Variants in EXOC6B observed in about 807,000 individuals in gnomAD.
The protein encoded by EXOC6B is exocyst complex component 6B.
In EXOC6B, 54 loss-of-function variants were observed where a neutral mutation model predicts 113.5. That is an observed-to-expected ratio of 0.48 (90% CI 0.38 to 0.60). EXOC6B has a LOEUF of 0.60. Among genes scored for constraint, EXOC6B ranks in the 20% least tolerant of loss-of-function variants. The pLI is 0.00. For missense variants in EXOC6B, 797 were observed against 977.5 expected (o/e 0.82, Z 2.46); for synonymous variants, 357 against 339.0 (o/e 1.05, Z -0.58).
intron 17 of EXOC6B, among the ~76,000 whole-genome samples, chr2:72,469,031 C>T (rs558414495): frequency 2.0e-5 from 3 of 152,108 alleles, no homozygotes; most frequent in Admixed American, 2.0e-4. Context: ...AGGCTACTAC[C>T]CCTATTTAAA....
At chr2:72,751,272 T>C (rs549905533) in intron 1 of EXOC6B, among the ~76,000 whole-genome samples, 36 of 152,276 alleles carry the variant, frequency 2.4e-4, no homozygotes, top group East Asian at 9.6e-4. Flanking sequence ...AGATTTAGAT[T>C]GGTATGATCT....
intron 1 of EXOC6B, among the ~76,000 whole-genome samples, chr2:72,769,948 A>G (rs1683318158): frequency 6.6e-6 from 1 of 152,362 alleles, no homozygotes; most frequent in South Asian, 2.1e-4. Context: ...GAACACCAGA[A>G]GACAAGATAC....
At chr2:72,628,465 G>A (rs1413778620) in intron 6 of EXOC6B, among the ~76,000 whole-genome samples, 1 of 151,976 alleles carries the variant, frequency 6.6e-6, no homozygotes, top group Middle Eastern at 3.2e-3. Context: ...TCAATGTATT[G>A]AGTCTTATAG....
At chr2:72,789,511 T>C (rs1228278226) in intron 1 of EXOC6B, among the ~76,000 whole-genome samples, 4 of 152,224 alleles carry the variant, frequency 2.6e-5, no homozygotes, top group African/African-American at 9.7e-5. Flanking sequence ...CACTTCATTT[T>C]ACCTATGTCT....
chr2:72,217,922 A>G (rs759762069), intron 20 of EXOC6B, among the ~76,000 whole-genome samples: 5 of 152,230 alleles, frequency 3.3e-5, no homozygotes, highest in Non-Finnish European at 7.3e-5. Context: ...CACTATGCTA[A>G]GCATTTTTAT....
chr2:72,802,294 T>C (rs1014862204), intron 1 of EXOC6B, among the ~76,000 whole-genome samples: 12 of 149,334 alleles, frequency 8.0e-5, no homozygotes, highest in Non-Finnish European at 1.3e-4. Flanking sequence ...CACTGCACTC[T>C]AGCCTGGGCA....
At chr2:72,485,644 A>C (rs569190654) in intron 16 of EXOC6B, among the ~76,000 whole-genome samples, 33 of 152,350 alleles carry the variant, frequency 2.2e-4, no homozygotes, top group Non-Finnish European at 3.8e-4. Flanking sequence ...ATAAAGTACA[A>C]AGTTTATATT....
intron 2 of EXOC6B, among the ~76,000 whole-genome samples, chr2:72,736,405 C>T (rs1482826577): frequency 6.6e-6 from 1 of 151,998 alleles, no homozygotes; most frequent in Non-Finnish European, 1.5e-5. Flanking sequence ...TTCTAGAGTT[C>T]AGGAAACTTT....
At chr2:72,650,059 A>G (rs1056897393) in intron 6 of EXOC6B, among the ~76,000 whole-genome samples, 2 of 152,198 alleles carry the variant, frequency 1.3e-5, no homozygotes, top group Non-Finnish European at 2.9e-5. Flanking sequence ...CTGGCCAGTG[A>G]GCATTACCAC....
chr2:72,689,022 G>C (rs1677295623), intron 6 of EXOC6B, among the ~76,000 whole-genome samples: 1 of 152,026 alleles, frequency 6.6e-6, no homozygotes, highest in African/African-American at 2.4e-5. Flanking sequence ...AGAAAATTGA[G>C]GTAAAAATAA....
At chr2:72,519,426 C>T (rs1323661455) in intron 8 of EXOC6B, among the ~76,000 whole-genome samples, 1 of 152,142 alleles carries the variant, frequency 6.6e-6, no homozygotes, top group Non-Finnish European at 1.5e-5. Context: ...TGTGATGTGC[C>T]TTACAGTGAA....
At chr2:72,708,403 G>T (rs1050732243) in intron 6 of EXOC6B, among the ~76,000 whole-genome samples, 1 of 152,190 alleles carries the variant, frequency 6.6e-6, no homozygotes, top group Non-Finnish European at 1.5e-5. Flanking sequence ...ATTTACATTT[G>T]TGTACACAGT....
intron 11 of EXOC6B, among the ~76,000 whole-genome samples, chr2:72,505,111 A>G (rs192961986): frequency 6.6e-6 from 1 of 152,188 alleles, no homozygotes; most frequent in East Asian, 1.9e-4. Context: ...TTGTGTCTGA[A>G]TCTTTTCCTT....
chr2:72,736,772 T>C (rs1429563727), intron 2 of EXOC6B, among the ~76,000 whole-genome samples: 1 of 152,086 alleles, frequency 6.6e-6, no homozygotes, highest in African/African-American at 2.4e-5. Flanking sequence ...GACAAAACAT[T>C]GTGCTGACTA....
At chr2:72,580,488 C>A (rs1199544878) in intron 6 of EXOC6B, among the ~76,000 whole-genome samples, 1 of 152,138 alleles carries the variant, frequency 6.6e-6, no homozygotes, top group East Asian at 1.9e-4. Context: ...TGAAACCCAG[C>A]AATATTTCTA....
At chr2:72,606,419 A>G (rs1346566169) in intron 6 of EXOC6B, among the ~76,000 whole-genome samples, 1 of 152,140 alleles carries the variant, frequency 6.6e-6, no homozygotes, top group Non-Finnish European at 1.5e-5. Context: ...CTTCATTTAT[A>G]TTAGTACAAA....
chr2:72,307,161 G>GTTT (rs1553371308), intron 20 of EXOC6B, among the ~76,000 whole-genome samples: 1 of 128,512 alleles, frequency 7.8e-6, no homozygotes, highest in Non-Finnish European at 1.6e-5. Flanking sequence ...GTATAGTCCA[G>GTTT]TTTTTTTTTT....
chr2:72,349,142 T>G (rs553122237), intron 19 of EXOC6B, among the ~76,000 whole-genome samples: 3 of 152,194 alleles, frequency 2.0e-5, no homozygotes, highest in Non-Finnish European at 4.4e-5. Context: ...ATGTCTCAGC[T>G]GTAAAATGAA....
intron 6 of EXOC6B, among the ~76,000 whole-genome samples, chr2:72,710,192 A>T (rs1234541779): frequency 6.6e-6 from 1 of 152,212 alleles, no homozygotes; most frequent in Non-Finnish European, 1.5e-5. Flanking sequence ...ACTAGATTTT[A>T]AAAATATTGC....
Sources: allele counts gnomAD v4.1 joint callset (sites outside exome capture counted in the v4.1 genomes callset), GRCh38; gene constraint gnomAD v4.1.1; transcripts MANE v1.5; gene names NCBI Gene and HGNC (gene_info 2026-07-23, HGNC 2026-07-21).